The following ATF1 variants were observed in gnomAD, a reference collection of about 807,000 sequenced individuals.
The protein encoded by ATF1 is activating transcription factor 1.
A neutral mutation model predicts 34.7 loss-of-function variants in ATF1; 16 were observed. The ratio of observed to expected loss-of-function variants is 0.46; its 90% CI spans 0.31 to 0.70. ATF1 has a LOEUF of 0.70. Ranked by LOEUF, ATF1 falls within the 30% of genes least tolerant of loss-of-function variation. The pLI is 0.05. For synonymous variants in ATF1, 105 were observed against 113.1 expected (o/e 0.93, Z 0.46); for missense variants, 255 against 321.6 (o/e 0.79, Z 1.58).
intron 1 of ATF1, among the ~76,000 whole-genome samples, chr12:50,773,880 A>G (rs1940845411): frequency 6.6e-6 from 1 of 152,018 alleles, no homozygotes; most frequent in South Asian, 2.1e-4. Context: ...GTGAGTCACC[A>G]TGCCAGGCCG....
intron 3 of ATF1, among the ~76,000 whole-genome samples, chr12:50,800,552 G>T (rs1941491766): frequency 6.6e-6 from 1 of 152,130 alleles, no homozygotes; most frequent in African/African-American, 2.4e-5. Context: ...GTGAGCAGCG[G>T]GTGAGCGAGC....
intron 3 of ATF1, among the ~76,000 whole-genome samples, chr12:50,808,072 A>T (rs1222381961): frequency 1.3e-5 from 2 of 152,138 alleles, no homozygotes; most frequent in African/African-American, 4.8e-5. Flanking sequence ...GGCCTCCCAC[A>T]GTGCTGGGAT....
chr12:50,813,974 A>C, intron 4 of ATF1, 36 bp from the exon 5 acceptor site: 1 of 1,580,538 alleles, frequency 6.3e-7, no homozygotes, highest in Non-Finnish European at 8.6e-7. Flanking sequence ...TGTATTATAT[A>C]ACCTTACAAT....
At chr12:50,778,069 A>G (rs911001827) in intron 1 of ATF1, among the ~76,000 whole-genome samples, 1 of 150,360 alleles carries the variant, frequency 6.7e-6, no homozygotes, top group Non-Finnish European at 1.5e-5. Flanking sequence ...GGGGCATACT[A>G]CCACGCCCAG....
At chr12:50,773,187 T>G (rs1940820919) in intron 1 of ATF1, among the ~76,000 whole-genome samples, 1 of 152,218 alleles carries the variant, frequency 6.6e-6, no homozygotes, top group Non-Finnish European at 1.5e-5. Flanking sequence ...ATGGGTTGAT[T>G]GCATGTCTTT....
At chr12:50,809,638 T>C (rs1019248117) in intron 4 of ATF1, 49 bp downstream of exon 4, 5 of 1,527,578 alleles carry the variant, frequency 3.3e-6, no homozygotes, top group Non-Finnish European at 4.4e-6. Context: ...AAACCTGACT[T>C]TTCTGTAGAA....
Position 50,820,485 on chromosome 12 carries a change from G to GT in ATF1, c.*713dup, listed in dbSNP as rs1191269739. On this transcript the variant is annotated 3_prime_UTR_variant, in exon 7 of 7. Transcript: ENST00000262053. ...AAAGTTTGATACTTTTAAATAGTTG[G>GT]TTTTTTTGCTTACTCTGGTAATGAT... 9 of 181,500 alleles carry GT rather than the reference G, an allele frequency of 5.0e-5. No homozygotes were observed. Among genetic ancestry groups the GT allele is most frequent in the Non-Finnish European group, 9.4e-5 (8 of 84,888 alleles). 11.2% of individuals were successfully genotyped at this position (181,500 alleles called of 1,614,324 possible). A position where few individuals can be genotyped will look rare whatever the true frequency, so the allele number is the denominator to read the frequency against.
At chr12:50,764,987 G>C (rs1228411487) in intron 1 of ATF1, among the ~76,000 whole-genome samples, 1 of 152,206 alleles carries the variant, frequency 6.6e-6, no homozygotes, top group African/African-American at 2.4e-5. Flanking sequence ...CTTTCTCTTT[G>C]ATCTTGTATG....
chr12:50,788,832 C>A (rs1941242355), intron 2 of ATF1, among the ~76,000 whole-genome samples: 1 of 152,070 alleles, frequency 6.6e-6, no homozygotes, highest in South Asian at 2.1e-4. Flanking sequence ...AAACAATTGG[C>A]CTCTTTGCGG....
chr12:50,815,793 A>G (rs1941831937), intron 6 of ATF1, among the ~76,000 whole-genome samples: 1 of 152,222 alleles, frequency 6.6e-6, no homozygotes, highest in African/African-American at 2.4e-5. Flanking sequence ...AGAAATCAAT[A>G]TATCAGAGGG....
chr12:50,781,029 A>G (rs1941048916), intron 2 of ATF1, among the ~76,000 whole-genome samples: 1 of 152,158 alleles, frequency 6.6e-6, no homozygotes, highest in African/African-American at 2.4e-5. Context: ...GTTAAAATAT[A>G]AGAAAAGAAG....
chr12:50,763,894 G>A (rs1940553641), upstream of ATF1, among the ~76,000 whole-genome samples: 1 of 152,148 alleles, frequency 6.6e-6, no homozygotes, highest in Admixed American at 6.5e-5. Flanking sequence ...TGCAGCCTGA[G>A]GAACGCGTTC....
intron 2 of ATF1, among the ~76,000 whole-genome samples, chr12:50,781,814 C>G (rs1477512667): frequency 1.3e-5 from 2 of 151,278 alleles, no homozygotes; most frequent in Admixed American, 6.6e-5. Context: ...AGCTACTTGG[C>G]TGAAGCAGGA....
intron 1 of ATF1, among the ~76,000 whole-genome samples, chr12:50,774,784 G>T (rs1314051766): frequency 6.9e-6 from 1 of 145,336 alleles, no homozygotes; most frequent in Admixed American, 7.0e-5. Flanking sequence ...GTCTCACTCT[G>T]TCGCCCAGGC....
chr12:50,801,737 A>T (rs1032874103), intron 3 of ATF1, among the ~76,000 whole-genome samples: 6 of 152,244 alleles, frequency 3.9e-5, no homozygotes, highest in African/African-American at 1.2e-4. Context: ...ATCGCAAGAC[A>T]CAGAAAAAGC....
At position 50,821,030 on chromosome 12, in the gene ATF1, A is replaced by G; in HGVS notation, c.*1251A>G. 5.5e-6 allele frequency: 1 copy of G among 180,406 alleles called. No individual in the cohort carries two copies. Among genetic ancestry groups the G allele is most frequent in the Non-Finnish European group, 1.2e-5 (1 of 84,216 alleles). The allele number at this position is 180,406 out of a possible 1,614,324, so 11.2% of individuals were successfully genotyped here. A position where few individuals can be genotyped will look rare whatever the true frequency, so the allele number is the denominator to read the frequency against. ...GTTTAACATCTATATTCCAATTTGT[A>G]TACAGTTTAAAATTGTACTGCAAAA... is the stretch of plus-strand genomic sequence containing the variant. On this transcript the variant is annotated 3_prime_UTR_variant, in exon 7 of 7. Transcript: ENST00000262053.
intron 2 of ATF1, among the ~76,000 whole-genome samples, chr12:50,783,957 T>C (rs1417770926): frequency 1.3e-5 from 2 of 152,014 alleles, no homozygotes; most frequent in Non-Finnish European, 2.9e-5. Context: ...GCCCAGGAGT[T>C]TGACACCAGC....
At chr12:50,817,534 A>G (rs1011203239) in intron 6 of ATF1, among the ~76,000 whole-genome samples, 3 of 152,204 alleles carry the variant, frequency 2.0e-5, no homozygotes, top group African/African-American at 7.2e-5. Flanking sequence ...CAAAAATTAT[A>G]AAGTGGTAAT....
At chr12:50,787,660 T>G (rs1941213261) in intron 2 of ATF1, among the ~76,000 whole-genome samples, 1 of 152,062 alleles carries the variant, frequency 6.6e-6, no homozygotes, top group South Asian at 2.1e-4. Context: ...GAGGATTGCT[T>G]GAGCCCAGTG....
Sources: gnomAD v4.1 joint callset for allele counts (sites outside exome capture counted in the v4.1 genomes callset) on GRCh38, gnomAD v4.1.1 for gene constraint, MANE v1.5 for transcripts, NCBI Gene and HGNC (gene_info 2026-07-23, HGNC 2026-07-21) for gene names.